The following ARHGAP11A variants were observed in gnomAD, a reference collection of about 807,000 sequenced individuals.
ARHGAP11A encodes the protein rho GTPase-activating protein 11A.
Under a neutral mutation model 60.5 loss-of-function variants are expected in ARHGAP11A, and 36 were observed. The ratio of observed to expected loss-of-function variants is 0.59; its 90% CI spans 0.46 to 0.79. ARHGAP11A has a LOEUF of 0.79. Ranked by LOEUF, ARHGAP11A falls within the 30% of genes least tolerant of loss-of-function variation. The probability of loss-of-function intolerance (pLI) is 0.00; values close to 1 mark genes in which losing one functional copy is unlikely to be tolerated. For missense variants in ARHGAP11A, 1,071 were observed against 1,199.2 expected, an observed-to-expected ratio of 0.89 and a Z score of 1.58; for synonymous variants, 362 against 415.5, an observed-to-expected ratio of 0.87 and a Z score of 1.57.
intron 8 of ARHGAP11A, among the ~76,000 whole-genome samples, chr15:32,632,539 T>C (rs2053608067): frequency 6.6e-6 from 1 of 152,206 alleles, no homozygotes; most frequent in Admixed American, 6.5e-5. Context: ...ATACCATTAA[T>C]TGGTATTATG....
At chr15:32,618,758 A>ACCCCCC (rs57091917) in intron 1 of ARHGAP11A, among the ~76,000 whole-genome samples, 703 of 117,456 alleles carry the variant, frequency 6.0e-3, no homozygotes, top group Middle Eastern at 9.3e-3. Context: ...ACACGGTGAA[A>ACCCCCC]CCCCCCCCCC....
At position 32,639,682 on chromosome 15, in the gene ARHGAP11A, T is replaced by C. The variant is rs1445285841; in HGVS notation, c.*1837T>C. The C allele has an allele frequency of 1.3e-5, 2 of 152,188 alleles. No homozygotes were observed. Among genetic ancestry groups the C allele is most frequent in the Non-Finnish European group, 2.9e-5 (2 of 68,030 alleles). The allele number at this position is 152,188 out of a possible 1,614,324, so 9.4% of individuals were successfully genotyped here. ...TAAAAACTACCACATGTGACTCCTATTTTTGTTAGCTGAAAGCTGCTATAC... is the reference window on the plus strand; with the variant it reads ...TAAAAACTACCACATGTGACTCCTACTTTTGTTAGCTGAAAGCTGCTATAC... On this transcript the variant is annotated 3_prime_UTR_variant, in exon 12 of 12. Coordinates refer to ENST00000361627, the MANE Select transcript of ARHGAP11A (RefSeq NM_014783.6).
At chr15:32,616,658 CT>C (rs1478746095) in intron 1 of ARHGAP11A, among the ~76,000 whole-genome samples, 1 of 152,108 alleles carries the variant, frequency 6.6e-6, no homozygotes, top group Non-Finnish European at 1.5e-5. Flanking sequence ...GGATGTCTGT[CT>C]TTTACCCACT....
In ARHGAP11A at chr15:32,637,801, G is replaced by A. The variant is rs376361608; in HGVS notation, c.3028G>A (p.Gly1010Arg). ...WYKGSPKHPI[G>R]KTQLLPTSKP... Reference sequence around the variant, plus strand: ...CAAAGGTTCTCCAAAACATCCTATCGGAAAAACTCAATTACTACCAACAAG... The same window carrying A: ...CAAAGGTTCTCCAAAACATCCTATCAGAAAAACTCAATTACTACCAACAAG... Residue 1010 changes from glycine (G) to arginine (R), a missense_variant, in exon 12 of 12, where the codon GGA (glycine) becomes AGA (arginine). Gly to Arg is a moderately radical substitution (Grantham distance 125, BLOSUM62 -2). Transcript: ENST00000361627. The A allele has an allele frequency of 2.0e-5, 32 of 1,605,430 alleles. No homozygotes were observed. Among genetic ancestry groups the A allele is most frequent in the Admixed American group, 1.9e-4 (11 of 57,882 alleles).
At chr15:32,634,292 G>C (rs1270496125) in intron 10 of ARHGAP11A, among the ~76,000 whole-genome samples, 1 of 152,186 alleles carries the variant, frequency 6.6e-6, no homozygotes, top group Non-Finnish European at 1.5e-5. Context: ...TACAGGTTGA[G>C]TAGCACTTAT....
chr15:32,636,949 C>G lies in ARHGAP11A; in HGVS notation c.2176C>G (p.Gln726Glu). ...EFSSDEEIKK[Q>E]QSPKDKLNNK... ...CTCCAGTGATGAAGAAATAAAGAAA[C>G]AGCAGTCCCCAAAGGATAAACTAAA... Residue 726 changes from glutamine (Q) to glutamate (E), a missense_variant, in exon 12 of 12, where the codon CAG becomes GAG. Physicochemically the swap from Gln to Glu is conservative, Grantham distance 29. This residue lies in a region of ARHGAP11A where 776 missense variants were observed against 760.2 expected (regional missense o/e 1.02). Coordinates refer to ENST00000361627, the MANE Select transcript of ARHGAP11A (RefSeq NM_014783.6). 1.2e-6 allele frequency: 2 copies of G among 1,609,672 alleles called. No individual in the cohort carries two copies. The highest frequency in any genetic ancestry group is 1.7e-6 in the Non-Finnish European group (2 of 1,178,852).
intron 6 of ARHGAP11A, among the ~76,000 whole-genome samples, chr15:32,628,252 C>T (rs2053511434): frequency 6.6e-6 from 1 of 152,194 alleles, no homozygotes; most frequent in Non-Finnish European, 1.5e-5. Context: ...TCTACTATTT[C>T]CTGTCTTTGA....
intron 2 of ARHGAP11A, among the ~76,000 whole-genome samples, chr15:32,621,840 G>GC (rs2053324815): frequency 1.9e-4 from 2 of 10,566 alleles, no homozygotes; most frequent in African/African-American, 7.8e-4. Context: ...AAAAAAAAAA[G>GC]AAAAAAAAAG....
In ARHGAP11A at chr15:32,629,703, A is replaced by G. The variant is rs1161362918; in HGVS notation, c.1046A>G (p.Asn349Ser). ...SSKKRKSIKHNFNFELLPSNL... is the reference protein window; with the variant it reads ...SSKKRKSIKHSFNFELLPSNL... ...AAGAAAAGGAAGTCCATCAAGCACAATTTTAACTTTGAGCTGTTGCCAAGT... is the reference window on the plus strand; with the variant it reads ...AAGAAAAGGAAGTCCATCAAGCACAGTTTTAACTTTGAGCTGTTGCCAAGT... Residue 349 changes from asparagine to serine, a missense_variant, in exon 8 of 12, where the codon AAT (asparagine) becomes AGT (serine). By Grantham distance (46) the Asn-to-Ser change is conservative. Coordinates refer to ENST00000361627, the MANE Select transcript of ARHGAP11A (RefSeq NM_014783.6). 1.9e-6 allele frequency: 3 copies of G among 1,613,476 alleles called. No individual in the cohort carries two copies. The highest frequency in any genetic ancestry group is 1.3e-5 in the African/African-American group (1 of 75,006).
At chr15:32,618,774 C>A (rs1194549274) in intron 1 of ARHGAP11A, among the ~76,000 whole-genome samples, 1 of 125,594 alleles carries the variant, frequency 8.0e-6, no homozygotes, top group Non-Finnish European at 1.7e-5. Flanking sequence ...CCCCCCCCGC[C>A]CCACGTCTCT....
chr15:32,624,976 T>C (rs888148368), intron 4 of ARHGAP11A, 104 bp from the exon 5 acceptor site: 2 of 1,282,284 alleles, frequency 1.6e-6, no homozygotes, highest in Non-Finnish European at 2.2e-6. Flanking sequence ...TTTTGACTTG[T>C]GTATGACTGA....
At position 32,616,247 on chromosome 15, in the gene ARHGAP11A, G is replaced by A; in HGVS notation, c.36G>A (p.Leu12=). Reference sequence around the variant, plus strand: ...AGAGGCTGGTGAGGTTGGCCCTGTTGCAGCATCTGCGGGCCTTCTATGGTA... The same window carrying A: ...AGAGGCTGGTGAGGTTGGCCCTGTTACAGCATCTGCGGGCCTTCTATGGTA... ...WDQRLVRLAL[L]QHLRAFYGIK... Residue 12 remains leucine (L), a synonymous_variant, in exon 1 of 12, where the codon TTG becomes TTA. Transcript: ENST00000361627. 1 of 1,614,200 alleles carries A rather than the reference G, an allele frequency of 6.2e-7. No individual in the cohort carries two copies. Among genetic ancestry groups the A allele is most frequent in the Middle Eastern group, 1.6e-4 (1 of 6,062 alleles).
At position 32,636,333 on chromosome 15, in the gene ARHGAP11A, T is replaced by C. The variant is rs1567060144; in HGVS notation, c.1560T>C (p.Ser520=). The C allele has an allele frequency of 1.2e-6, 2 of 1,613,958 alleles. No individual in the cohort carries two copies. The highest frequency in any genetic ancestry group is 1.7e-5 in the Admixed American group (1 of 59,996). The change falls in exon 12 of 12, where the codon TCT becomes TCC. Residue 520 remains serine (S), a synonymous_variant. Transcript: ENST00000361627. The part of the protein sequence containing the change: ...ERLVGTNYRM[S]WTGPNNSSFQ... ...TAGTTGGAACAAATTACCGGATGTCTTGGACAGGACCTAATAATTCAAGTT... is the reference window on the plus strand; with the variant it reads ...TAGTTGGAACAAATTACCGGATGTCCTGGACAGGACCTAATAATTCAAGTT...
At chr15:32,635,985 CATATT>C (rs2053704256) in intron 11 of ARHGAP11A, 70 bp downstream of exon 11, 2 of 1,494,924 alleles carry the variant, frequency 1.3e-6, no homozygotes, top group African/African-American at 1.4e-5. Context: ...AATGGCAAAA[CATATT>C]AATTAATTTA....
intron 1 of ARHGAP11A, among the ~76,000 whole-genome samples, chr15:32,618,110 A>G (rs552542737): frequency 6.6e-5 from 10 of 152,380 alleles, no homozygotes; most frequent in Middle Eastern, 3.4e-3. Context: ...ATGAAGAAAT[A>G]TAGAAGATCA....
chr15:32,632,190 G>A (rs1034671307), intron 8 of ARHGAP11A, among the ~76,000 whole-genome samples: 3 of 152,230 alleles, frequency 2.0e-5, no homozygotes, highest in African/African-American at 7.2e-5. Flanking sequence ...AATTGAGAGG[G>A]TTCATGTTTG....
At chr15:32,631,867 G>T (rs143988356) in intron 8 of ARHGAP11A, among the ~76,000 whole-genome samples, 2,507 of 152,098 alleles carry the variant, frequency 0.016, 71 homozygotes, top group African/African-American at 0.057. Context: ...GTAGAGATGG[G>T]ATTTCACCAT....
rs532723102 is a variant in ARHGAP11A at position 32,616,334 on chromosome 15, A to G, written c.123A>G (p.Glu41=). The stretch of plus-strand genomic sequence containing the variant: ...GGAGACATGAAACAGCAGCCACGGA[A>G]ATAGGGGTAAGTTCTGTGAAAAGGG... ...DRRRHETAAT[E]IGGKIFGVPF... is the part of the protein sequence containing the mutation. Residue 41 remains glutamate, a synonymous_variant, in exon 1 of 12, where the codon GAA becomes GAG. Transcript: ENST00000361627. 28 of 1,614,004 alleles carry G rather than the reference A, an allele frequency of 1.7e-5. No individual in the cohort carries two copies. The East Asian group carries it at 6.2e-4, about 36-fold the overall frequency.
Position 32,625,160 on chromosome 15 carries a change from A to G in ARHGAP11A, c.632A>G (p.Glu211Gly). The G allele has an allele frequency of 6.2e-7, 1 of 1,613,974 alleles. No homozygotes were observed. Among genetic ancestry groups the G allele is most frequent in the Non-Finnish European group, 8.5e-7 (1 of 1,179,848 alleles). Reference sequence around the variant, plus strand: ...CTTCTTCAGACAAGTGAAGGACATGAAAAGATGTCTTCTAACACAGAAAAG... The same window carrying G: ...CTTCTTCAGACAAGTGAAGGACATGGAAAGATGTCTTCTAACACAGAAAAG... ...PNLLQTSEGH[E>G]KMSSNTEKKL... The change falls in exon 5 of 12, where the codon GAA becomes GGA. Residue 211 changes from glutamate (E) to glycine (G), a missense_variant. Around this residue, in one of 4 missense-constraint regions of ARHGAP11A, gnomAD observed 196 missense variants for 272.1 expected, o/e 0.72. Transcript: ENST00000361627.
Sources: gnomAD v4.1 joint callset for allele counts (sites outside exome capture counted in the v4.1 genomes callset) on GRCh38, gnomAD v4.1.1 for gene constraint, gnomAD v4.1.1 regional missense constraint, MANE v1.5 for transcripts, NCBI Gene and HGNC (gene_info 2026-07-23, HGNC 2026-07-21) for gene names.